Variants in PIEZO2 observed in about 807,000 individuals in gnomAD.
The protein encoded by PIEZO2 is piezo type mechanosensitive ion channel component 2.
In PIEZO2, 172 loss-of-function variants were observed where a neutral mutation model predicts 337.3. The observed-to-expected ratio is 0.51, with a 90% confidence interval of 0.45 to 0.58. PIEZO2 has a LOEUF of 0.58. PIEZO2 is among the 20% of genes least tolerant of loss of function. The pLI, the probability that PIEZO2 is intolerant of heterozygous loss-of-function variation, is 0.00. For missense variants in PIEZO2, 3,028 were observed against 3,391.3 expected, an observed-to-expected ratio of 0.89 and a Z score of 2.66; for synonymous variants, 1,251 against 1,228.5, an observed-to-expected ratio of 1.02 and a Z score of -0.38.
intron 3 of PIEZO2, among the ~76,000 whole-genome samples, chr18:10,935,897 A>G (rs1337248807): frequency 6.6e-6 from 1 of 152,240 alleles, no homozygotes; most frequent in Non-Finnish European, 1.5e-5. Context: ...TTGGAAGGAC[A>G]TTCCAAAACT....
In PIEZO2 at chr18:11,092,343, TA is replaced by T. The variant is rs1195095160; in HGVS notation, c.65-26122del. Among the ~76,000 whole-genome samples the T allele has an allele frequency of 6.6e-6, 1 of 152,172 alleles. No homozygotes were observed. Among genetic ancestry groups the T allele is most frequent in the African/African-American group, 2.4e-5 (1 of 41,468 alleles). ...TTTGCCAAGAGATTGTTAAACATAA[TA>T]AATACAGAAAACTAAAAATACTATA... On this transcript the variant is annotated intron_variant, in intron 1 of 55. Transcript: ENST00000674853. The surrounding 1 kb of genome is among the most constrained non-coding windows in gnomAD (Gnocchi z 4.5).
chr18:11,003,394 T>C lies in PIEZO2; in HGVS notation c.161-23734A>G, dbSNP rs1266512087. ...CAAAAACAATTAAACCATAGTCGAG[T>C]TGATCTAAAGAAGAGTTAAATTCCT... On this transcript the variant is annotated intron_variant, in intron 2 of 55. Transcript: ENST00000674853. This position sits in a 1 kb window ranked among gnomAD's most constrained non-coding sequence, Gnocchi z 4.6. Among the ~76,000 whole-genome samples, 1 of 152,092 alleles carries C rather than the reference T, an allele frequency of 6.6e-6. No individual in the cohort carries two copies. The highest frequency in any genetic ancestry group is 2.1e-4 in the South Asian group (1 of 4,816).
chr18:10,907,617 A>T (rs2030075318), intron 4 of PIEZO2, among the ~76,000 whole-genome samples: 1 of 152,188 alleles, frequency 6.6e-6, no homozygotes, highest in Non-Finnish European at 1.5e-5. Flanking sequence ...TTAAGCCACC[A>T]AGAATTTGGG....
At position 10,801,409 on chromosome 18, in the gene PIEZO2, T is replaced by C; in HGVS notation, c.1220A>G (p.Asp407Gly). 1 of 1,508,554 alleles carries C rather than the reference T, an allele frequency of 6.6e-7. No individual in the cohort carries two copies. Among genetic ancestry groups the C allele is most frequent in the Non-Finnish European group, 8.9e-7 (1 of 1,120,430 alleles). The allele number at this position is 1,508,554 out of a possible 1,614,324, so 93.4% of individuals were successfully genotyped here. A position where few individuals can be genotyped will look rare whatever the true frequency, so the allele number is the denominator to read the frequency against. Reference protein sequence around the residue: ...DERKLLSMTQDDYKPSDGLLV... With the variant: ...DERKLLSMTQGDYKPSDGLLV... The stretch of plus-strand genomic sequence containing the variant: ...ACTAACATCAGATGGTTTGTAGTCA[T>C]CCTGGGTCATGGATAAAAGCTGCAA... Residue 407 changes from aspartate to glycine, a missense_variant, in exon 10 of 56, where the codon GAT becomes GGT. Coordinates refer to ENST00000674853, the MANE Select transcript of PIEZO2 (RefSeq NM_001378183.1).
rs2040254479 is a variant in PIEZO2, at chr18:11,128,598, T to G, written c.64+19927A>C. 6.6e-6 allele frequency among the ~76,000 whole-genome samples: 1 copy of G among 152,138 alleles called. No individual in the cohort carries two copies. The highest frequency in any genetic ancestry group is 1.5e-5 in the Non-Finnish European group (1 of 68,030). On this transcript the variant is annotated intron_variant, in intron 1 of 55. Transcript: ENST00000674853. This position sits in a 1 kb window ranked among gnomAD's most constrained non-coding sequence, Gnocchi z 4.1. ...CACGCTGCCATCAGCCTTTCCACCT[T>G]TGTCTGAGGACATAAACCCTGCGCT...
chr18:11,004,671 T>G (rs1157068478), intron 2 of PIEZO2, among the ~76,000 whole-genome samples: 1 of 152,190 alleles, frequency 6.6e-6, no homozygotes, highest in Non-Finnish European at 1.5e-5. Flanking sequence ...TGTGAAGAAA[T>G]GTTGAGGCCA....
intron 36 of PIEZO2, among the ~76,000 whole-genome samples, chr18:10,725,945 C>T (rs557321471): frequency 2.0e-5 from 3 of 152,304 alleles, no homozygotes; most frequent in South Asian, 4.1e-4. Context: ...TCTGTCTGTC[C>T]CTCTTCATCG....
At chr18:10,735,850 T>C (rs1465749191) in intron 34 of PIEZO2, among the ~76,000 whole-genome samples, 1 of 152,210 alleles carries the variant, frequency 6.6e-6, no homozygotes, top group East Asian at 1.9e-4. Flanking sequence ...TGTGGCTTGA[T>C]GGACATCACT....
chr18:10,920,281 A>G (rs2031303585), intron 3 of PIEZO2, among the ~76,000 whole-genome samples: 1 of 152,126 alleles, frequency 6.6e-6, no homozygotes, highest in Admixed American at 6.5e-5. Context: ...GAGTGTGCAT[A>G]GCGTGTGTGT....
chr18:10,737,568 A>G (rs1261301567), intron 33 of PIEZO2: 1 of 152,222 alleles, frequency 6.6e-6, no homozygotes, highest in Non-Finnish European at 1.5e-5. Context: ...ACAAAGCACA[A>G]ACAGTATGGA....
chr18:10,889,874 C>T (rs1456511099), intron 4 of PIEZO2, among the ~76,000 whole-genome samples: 1 of 152,202 alleles, frequency 6.6e-6, no homozygotes, highest in African/African-American at 2.4e-5. Flanking sequence ...AAAGAGCTCC[C>T]AAGGACCTTT....
At chr18:10,822,164 C>T (rs1728016) in intron 7 of PIEZO2, among the ~76,000 whole-genome samples, 26,830 of 152,194 alleles carry the variant, frequency 0.18, 2,394 homozygotes, top group Middle Eastern at 0.24. Context: ...TTTCTCTCAA[C>T]GTCTGCATTT....
chr18:10,938,222 ACCTCTCAT>A (rs2032513793), intron 3 of PIEZO2, among the ~76,000 whole-genome samples: 1 of 152,206 alleles, frequency 6.6e-6, no homozygotes, highest in Non-Finnish European at 1.5e-5. Context: ...TTGGTCTTAG[ACCTCTCAT>A]CTGTGGGATG....
intron 2 of PIEZO2, among the ~76,000 whole-genome samples, chr18:11,018,378 A>ATATTG (rs1186022863): frequency 1.0e-4 from 12 of 115,630 alleles, no homozygotes; most frequent in African/African-American, 3.5e-4. Flanking sequence ...GACTCCCAAC[A>ATATTG]TGTCGTGTGT....
In PIEZO2 at chr18:10,783,887, A is replaced by G. The variant is rs1347593329; in HGVS notation, c.2492+897T>C. Among the ~76,000 whole-genome samples, 3 of 152,258 alleles carry G rather than the reference A, an allele frequency of 2.0e-5. No individual in the cohort carries two copies. Among genetic ancestry groups the G allele is most frequent in the Admixed American group, 2.0e-4 (3 of 15,286 alleles). ...CAGAACGCTGGAAGTTTGGCATTTT[A>G]CGAAATGCATATCATGAACTCCTAC... On this transcript the variant is annotated intron_variant, in intron 17 of 55. Coordinates refer to ENST00000674853, the MANE Select transcript of PIEZO2 (RefSeq NM_001378183.1). The surrounding 1 kb of genome is among the most constrained non-coding windows in gnomAD (Gnocchi z 4.3).
At chr18:11,063,065 G>A (rs2038025368) in intron 2 of PIEZO2, among the ~76,000 whole-genome samples, 1 of 152,074 alleles carries the variant, frequency 6.6e-6, no homozygotes, top group African/African-American at 2.4e-5. Flanking sequence ...ATATGCCATG[G>A]AATACTATGC....
chr18:10,698,797 T>G (rs1161465393), intron 44 of PIEZO2, 128 bp downstream of exon 44: 6 of 1,264,732 alleles, frequency 4.7e-6, no homozygotes, highest in Non-Finnish European at 6.4e-6. Context: ...AAGCCCTTTC[T>G]TTTCACATAA....
chr18:10,744,067 A>G, intron 31 of PIEZO2, 75 bp downstream of exon 31: 1 of 1,070,260 alleles, frequency 9.3e-7, no homozygotes, highest in East Asian at 2.6e-5. Context: ...GAGGCTCCCC[A>G]ACAGTGGAGC....
In PIEZO2 at chr18:10,726,381, C is replaced by T; in HGVS notation, c.5029+5026G>A. The T allele has an allele frequency of 2.0e-6, 3 of 1,520,556 alleles. No individual in the cohort carries two copies. The highest frequency in any genetic ancestry group is 2.6e-6 in the Non-Finnish European group (3 of 1,140,726). The allele number at this position is 1,520,556 out of a possible 1,614,324, so 94.2% of individuals were successfully genotyped here. The stretch of plus-strand genomic sequence containing the variant: ...CTTCCCCGCAGGCACCCACTACCTG[C>T]GGGGCGGTAACAACGCGCGCCAGCC... On this transcript the variant is annotated intron_variant, in intron 36 of 55. Coordinates refer to ENST00000674853, the MANE Select transcript of PIEZO2 (RefSeq NM_001378183.1). The surrounding 1 kb of genome is among the most constrained non-coding windows in gnomAD (Gnocchi z 5.9).
Sources: allele counts gnomAD v4.1 joint callset (sites outside exome capture counted in the v4.1 genomes callset), GRCh38; gene constraint gnomAD v4.1.1; non-coding constraint Gnocchi (gnomAD v3.1); transcripts MANE v1.5; gene names NCBI Gene and HGNC (gene_info 2026-07-23, HGNC 2026-07-21).